The following NCKAP5 variants were observed in gnomAD, a reference collection of about 807,000 sequenced individuals.
NCKAP5 encodes NCK associated protein 5, also known as nck-associated protein 5.
Under a neutral mutation model 167.0 loss-of-function variants are expected in NCKAP5, and 92 were observed. The observed-to-expected ratio is 0.55, with a 90% CI of 0.47 to 0.66. The LOEUF (loss-of-function observed/expected upper bound fraction) is 0.66, where lower values mean the gene tolerates loss of function less well. Among genes scored for constraint, NCKAP5 ranks in the 30% least tolerant of loss-of-function variants. The pLI, the probability that NCKAP5 is intolerant of heterozygous loss-of-function variation, is 0.00. For missense variants in NCKAP5, 2,378 were observed against 2,315.0 expected (o/e 1.03, Z -0.56); for synonymous variants, 891 against 877.4 (o/e 1.02, Z -0.27).
the NCKAP5 span, among the ~76,000 whole-genome samples, chr2:133,611,580 T>C: frequency 6.6e-6 from 1 of 152,174 alleles, no homozygotes; most frequent in African/African-American, 2.4e-5. Flanking sequence ...TTTTTTAATC[T>C]TCATTAAGAC....
the NCKAP5 span, among the ~76,000 whole-genome samples, chr2:133,636,283 T>C: frequency 0.26 from 40,183 of 151,824 alleles, 8,221 homozygotes; most frequent in African/African-American, 0.56. Flanking sequence ...TACTCATTGT[T>C]CAAGAGGCAT....
intron 19 of NCKAP5, among the ~76,000 whole-genome samples, chr2:132,700,965 T>C (rs1687828637): frequency 6.6e-6 from 1 of 151,002 alleles, no homozygotes; most frequent in South Asian, 2.1e-4. Context: ...CTAATAGGGA[T>C]ATCCATCCAA....
intron 19 of NCKAP5, among the ~76,000 whole-genome samples, chr2:132,722,483 C>A (rs1169373571): frequency 6.6e-6 from 1 of 152,222 alleles, no homozygotes; most frequent in Non-Finnish European, 1.5e-5. Context: ...TCTTCCTCTT[C>A]TCTGTGACTG....
At chr2:133,315,812 C>G (rs1272118601) in intron 3 of NCKAP5, among the ~76,000 whole-genome samples, 3 of 152,018 alleles carry the variant, frequency 2.0e-5, no homozygotes, top group South Asian at 2.1e-4. Flanking sequence ...AGTGGAGGAG[C>G]CTTTCCAAAT....
chr2:133,343,466 A>G (rs1051819653), intron 3 of NCKAP5, among the ~76,000 whole-genome samples: 6 of 152,170 alleles, frequency 3.9e-5, no homozygotes, highest in Admixed American at 3.9e-4. Context: ...GAGGATTATC[A>G]CAGAGGCCAG....
chr2:133,155,681 A>G (rs1380509420), intron 5 of NCKAP5, among the ~76,000 whole-genome samples: 6 of 152,218 alleles, frequency 3.9e-5, no homozygotes, highest in African/African-American at 1.4e-4. Context: ...CTTTGAGTAA[A>G]GCAGATCACC....
intron 4 of NCKAP5, among the ~76,000 whole-genome samples, chr2:133,235,715 A>G (rs575167305): frequency 1.1e-3 from 166 of 151,778 alleles, no homozygotes; most frequent in Non-Finnish European, 1.8e-3. Context: ...GACCAGCCTG[A>G]CCAACATGGA....
chr2:133,385,472 C>G (rs1470701029), intron 3 of NCKAP5, among the ~76,000 whole-genome samples: 1 of 152,172 alleles, frequency 6.6e-6, no homozygotes, highest in African/African-American at 2.4e-5. Flanking sequence ...AGGATTTTTG[C>G]ATTGATGTTC....
chr2:133,600,902 C>T, the NCKAP5 span, among the ~76,000 whole-genome samples: 1 of 152,358 alleles, frequency 6.6e-6, no homozygotes, highest in East Asian at 1.9e-4. Flanking sequence ...ACCTCCACGC[C>T]AGAAGCAGAC....
chr2:133,670,948 G>A, the NCKAP5 span, among the ~76,000 whole-genome samples: 2 of 152,176 alleles, frequency 1.3e-5, no homozygotes, highest in African/African-American at 4.8e-5. Context: ...AGGCGCAGTG[G>A]CTCACGCCTG....
intron 4 of NCKAP5, among the ~76,000 whole-genome samples, chr2:133,283,204 G>A (rs913185168): frequency 2.1e-4 from 32 of 152,148 alleles, no homozygotes; most frequent in African/African-American, 7.7e-4. Context: ...GATGAAAATG[G>A]ATACAATGAA....
At chr2:133,326,176 C>T (rs1682424931) in intron 3 of NCKAP5, among the ~76,000 whole-genome samples, 1 of 152,154 alleles carries the variant, frequency 6.6e-6, no homozygotes, top group Admixed American at 6.5e-5. Context: ...AACTATAAGG[C>T]CGGGCACAGT....
chr2:133,656,566 C>A, the NCKAP5 span, among the ~76,000 whole-genome samples: 1 of 152,136 alleles, frequency 6.6e-6, no homozygotes, highest in East Asian at 1.9e-4. Context: ...ATTCCTAACC[C>A]CTCTCCTCCT....
At chr2:133,630,294 G>A in the NCKAP5 span, among the ~76,000 whole-genome samples, 11 of 152,292 alleles carry the variant, frequency 7.2e-5, 1 homozygote, top group Non-Finnish European at 1.0e-4. Context: ...GTTGCTTAGT[G>A]ATGGAATACA....
chr2:133,651,440 C>A, the NCKAP5 span, among the ~76,000 whole-genome samples: 2 of 152,068 alleles, frequency 1.3e-5, no homozygotes, highest in Non-Finnish European at 2.9e-5. Flanking sequence ...GAATTCAAAT[C>A]AAAACCACAA....
intron 3 of NCKAP5, among the ~76,000 whole-genome samples, chr2:133,424,124 T>A (rs1010802491): frequency 6.6e-6 from 1 of 152,188 alleles, no homozygotes; most frequent in Admixed American, 6.5e-5. Context: ...CTACTGAAAC[T>A]AAAGTGATGG....
intron 9 of NCKAP5, among the ~76,000 whole-genome samples, chr2:132,878,613 TACACACACACACACACAC>T (rs10544477): frequency 0.011 from 1,414 of 131,986 alleles, 15 homozygotes; most frequent in Non-Finnish European, 0.014. Context: ...GGGGGGCAGA[TACACACACACACACACAC>T]ACACACACAC....
intron 6 of NCKAP5, among the ~76,000 whole-genome samples, chr2:133,099,781 T>G (rs1232300250): frequency 6.6e-6 from 1 of 152,232 alleles, no homozygotes; most frequent in Non-Finnish European, 1.5e-5. Context: ...CCATCCTCTT[T>G]TCTTATTTAA....
At chr2:133,468,780 CTT>C (rs1182896439) in intron 3 of NCKAP5, among the ~76,000 whole-genome samples, 1 of 152,156 alleles carries the variant, frequency 6.6e-6, no homozygotes, top group Non-Finnish European at 1.5e-5. Context: ...ATCTTTGTCT[CTT>C]TTGATCTTTG....
Sources: gnomAD v4.1 joint callset for allele counts (sites outside exome capture counted in the v4.1 genomes callset) on GRCh38, gnomAD v4.1.1 for gene constraint, MANE v1.5 for transcripts, NCBI Gene and HGNC (gene_info 2026-07-23, HGNC 2026-07-21) for gene names.